The following HDAC8 variants were observed in gnomAD, a reference collection of about 807,000 sequenced individuals.
HDAC8 encodes histone deacetylase 8.
In HDAC8, 1 loss-of-function variant was observed where a neutral mutation model predicts 32.2. The ratio of observed to expected loss-of-function variants is 0.03; its 90% CI spans 0.01 to 0.15. HDAC8 has a LOEUF of 0.15. HDAC8 is among the 10% of genes least tolerant of loss of function. The pLI is 1.00. For synonymous variants in HDAC8, 108 were observed against 113.9 expected (o/e 0.95, Z 0.33); for missense variants, 117 against 300.0 (o/e 0.39, Z 4.51).
At chrX:72,350,152 T>A (rs1051832963) in intron 10 of HDAC8, among the ~76,000 whole-genome samples, 3 of 110,868 alleles carry the variant, frequency 2.7e-5, no homozygotes, top group Non-Finnish European at 5.7e-5. Context: ...AGGAGGATTT[T>A]GTTAGGAAGC....
At chrX:72,424,794 GT>G (rs2060944103) in intron 9 of HDAC8, among the ~76,000 whole-genome samples, 1 of 111,450 alleles carries the variant, frequency 9.0e-6, no homozygotes, top group African/African-American at 3.3e-5. Flanking sequence ...AATATTTCAT[GT>G]AGGTGAAATC....
intron 9 of HDAC8, among the ~76,000 whole-genome samples, chrX:72,367,037 C>A (rs185897915): frequency 1.9e-4 from 21 of 112,242 alleles, no homozygotes; most frequent in African/African-American, 6.1e-4. Context: ...GTAGGTTGAA[C>A]CTGATCCTGC....
intron 4 of HDAC8, among the ~76,000 whole-genome samples, chrX:72,527,885 C>T (rs1556033318): frequency 3.7e-5 from 4 of 107,071 alleles, no homozygotes; most frequent in Non-Finnish European, 7.7e-5. Flanking sequence ...AAGTGATTCT[C>T]CTGCCTCAGC....
intron 9 of HDAC8, among the ~76,000 whole-genome samples, chrX:72,376,016 A>G (rs1555957939): frequency 9.1e-6 from 1 of 110,197 alleles, no homozygotes; most frequent in Non-Finnish European, 1.9e-5. Context: ...TTCTAGGAAT[A>G]TTTTCATTAC....
intron 10 of HDAC8, among the ~76,000 whole-genome samples, chrX:72,336,046 AGT>A (rs2043676374): frequency 9.0e-6 from 1 of 111,674 alleles, no homozygotes. Flanking sequence ...ATTACTAAGG[AGT>A]GTGATTGCTA....
At chrX:72,389,844 A>C (rs2984295) in intron 9 of HDAC8, among the ~76,000 whole-genome samples, 3,881 of 111,497 alleles carry the variant, frequency 0.035, 168 homozygotes, top group African/African-American at 0.12. Flanking sequence ...TAATATAAGA[A>C]CAGTCGGAAT....
chrX:72,339,281 A>G (rs1262948831), intron 10 of HDAC8, among the ~76,000 whole-genome samples: 4 of 112,368 alleles, frequency 3.6e-5, no homozygotes, highest in Non-Finnish European at 7.5e-5. Flanking sequence ...GCTGATGTCT[A>G]CAATGGCCTA....
intron 7 of HDAC8, among the ~76,000 whole-genome samples, chrX:72,476,632 TC>T (rs1232828570): frequency 1.8e-5 from 2 of 111,655 alleles, no homozygotes; most frequent in African/African-American, 6.5e-5. Flanking sequence ...ACAAATCACT[TC>T]CCTGAACCTC....
At chrX:72,360,685 G>A (rs782500821) in intron 9 of HDAC8, among the ~76,000 whole-genome samples, 2 of 112,017 alleles carry the variant, frequency 1.8e-5, no homozygotes, top group Non-Finnish European at 3.8e-5. Flanking sequence ...GGTCTTGAAT[G>A]ATGCTTCTCA....
At chrX:72,442,364 G>C (rs2047184608) in intron 9 of HDAC8, among the ~76,000 whole-genome samples, 1 of 111,773 alleles carries the variant, frequency 8.9e-6, no homozygotes, top group East Asian at 2.8e-4. Flanking sequence ...AGCCAGAAGA[G>C]AGTAGGGGCC....
At chrX:72,532,249 ATTTTTTT>A (rs34829256) in intron 4 of HDAC8, among the ~76,000 whole-genome samples, 2 of 54,193 alleles carry the variant, frequency 3.7e-5, no homozygotes, top group East Asian at 5.5e-4. Context: ...CGTGTTGGGC[ATTTTTTT>A]TTTTTTTTTT....
intron 4 of HDAC8, among the ~76,000 whole-genome samples, chrX:72,562,785 A>G (rs908906288): frequency 9.0e-6 from 1 of 111,287 alleles, no homozygotes; most frequent in Non-Finnish European, 1.9e-5. Context: ...TTATTCTAAG[A>G]TAACCACTGT....
Position 72,568,757 on chromosome X carries a change from G to A in HDAC8, c.292C>T (p.Leu98=), listed in dbSNP as rs782275566. The part of the protein sequence containing the change: ...DDHPDSIEYG[L]GYDCPATEGI... ...CACTGCCTGGTAATGACTTTACCTA[G>A]CCCATATTCTATGGAGTCCGGATGA... The change falls in exon 3 of 11, where the codon CTA becomes TTA. Residue 98 remains leucine, a synonymous_variant. Coordinates refer to ENST00000373573, the MANE Select transcript of HDAC8 (RefSeq NM_018486.3). 1 of 1,211,417 alleles carries A rather than the reference G, an allele frequency of 8.3e-7. No homozygotes were observed. Among genetic ancestry groups the A allele is most frequent in the Admixed American group, 2.2e-5 (1 of 46,089 alleles).
intron 4 of HDAC8, among the ~76,000 whole-genome samples, chrX:72,496,908 T>C (rs894472682): frequency 9.8e-5 from 11 of 111,812 alleles, no homozygotes; most frequent in African/African-American, 1.6e-4. Flanking sequence ...ATTGACAACA[T>C]TGAGATTTAC....
intron 9 of HDAC8, among the ~76,000 whole-genome samples, chrX:72,402,250 T>C (rs2045922341): frequency 9.0e-6 from 1 of 111,141 alleles, no homozygotes; most frequent in South Asian, 3.8e-4. Flanking sequence ...TTTTTCTTAG[T>C]CAATCTACCT....
intron 9 of HDAC8, 101 bp from the exon 10 acceptor site, chrX:72,351,939 G>T: frequency 1.8e-6 from 1 of 563,265 alleles, no homozygotes. Context: ...TACCAACAAG[G>T]CAAGGGAGGC....
chrX:72,547,810 C>T (rs919900559), intron 4 of HDAC8, among the ~76,000 whole-genome samples: 1 of 111,977 alleles, frequency 8.9e-6, no homozygotes, highest in Non-Finnish European at 1.9e-5. Context: ...CATAAGGTAG[C>T]GCCTACTATA....
intron 9 of HDAC8, chrX:72,377,239 A>C (rs1349346176): frequency 8.9e-6 from 1 of 112,222 alleles, no homozygotes; most frequent in Non-Finnish European, 1.9e-5. Context: ...TGAATTACCC[A>C]AATCTCCTTC....
chrX:72,523,342 G>A (rs2050038704), intron 4 of HDAC8, among the ~76,000 whole-genome samples: 1 of 112,000 alleles, frequency 8.9e-6, no homozygotes, highest in Admixed American at 9.4e-5. Flanking sequence ...TCACGTCTTT[G>A]ACTGTTAGTG....
Sources: gnomAD v4.1 joint callset for allele counts (sites outside exome capture counted in the v4.1 genomes callset) on GRCh38, gnomAD v4.1.1 for gene constraint, MANE v1.5 for transcripts, NCBI Gene and HGNC (gene_info 2026-07-23, HGNC 2026-07-21) for gene names.